The following RBFOX1 variants were observed in gnomAD, a reference collection of about 807,000 sequenced individuals.
RBFOX1 encodes RNA binding fox-1 homolog 1, also known as RNA binding protein fox-1 homolog 1.
A neutral mutation model predicts 57.7 loss-of-function variants in RBFOX1; 8 were observed. The ratio of observed to expected loss-of-function variants is 0.14; its 90% CI spans 0.08 to 0.25. RBFOX1 has a LOEUF of 0.25. Ranked by LOEUF, RBFOX1 falls within the 10% of genes least tolerant of loss-of-function variation. RBFOX1 has a pLI of 1.00. For missense variants in RBFOX1, 611 were observed against 548.5 expected, an observed-to-expected ratio of 1.11 and a Z score of -1.14; for synonymous variants, 326 against 222.4, an observed-to-expected ratio of 1.47 and a Z score of -4.15.
At chr16:6,663,467 G>C (rs8047260) in intron 3 of RBFOX1, among the ~76,000 whole-genome samples, 82,410 of 151,920 alleles carry the variant, frequency 0.54, 22,879 homozygotes, top group African/African-American at 0.64. Flanking sequence ...GACTAGATCT[G>C]TGCACTTCTG....
chr16:7,333,368 A>G (rs903238533), intron 4 of RBFOX1, among the ~76,000 whole-genome samples: 1 of 152,174 alleles, frequency 6.6e-6, no homozygotes, highest in African/African-American at 2.4e-5. Context: ...CCACGGGGCA[A>G]AGGATTTGCT....
intron 4 of RBFOX1, among the ~76,000 whole-genome samples, chr16:7,058,363 C>T (rs1055654789): frequency 4.6e-5 from 7 of 152,124 alleles, no homozygotes; most frequent in African/African-American, 1.2e-4. Flanking sequence ...GGATGAGAGC[C>T]TCCAGCCCCA....
chr16:6,345,203 G>T (rs1236418863), intron 2 of RBFOX1, among the ~76,000 whole-genome samples: 4 of 152,116 alleles, frequency 2.6e-5, no homozygotes, highest in African/African-American at 9.7e-5. Flanking sequence ...GCGTCCAGGA[G>T]GGTTCTTGGC....
chr16:6,037,112 G>A (rs1340546940), intron 1 of RBFOX1: 1 of 152,154 alleles, frequency 6.6e-6, no homozygotes, highest in Non-Finnish European at 1.5e-5. Flanking sequence ...GTAGGAATAT[G>A]CATTTATTTG....
chr16:7,353,665 A>C (rs1348732499), intron 4 of RBFOX1, among the ~76,000 whole-genome samples: 2 of 152,214 alleles, frequency 1.3e-5, no homozygotes, highest in African/African-American at 4.8e-5. Context: ...AGTGTGGATG[A>C]ACCTTGAGAA....
intron 4 of RBFOX1, among the ~76,000 whole-genome samples, chr16:7,406,199 C>T (rs553073715): frequency 1.3e-5 from 2 of 152,338 alleles, no homozygotes; most frequent in East Asian, 1.9e-4. Flanking sequence ...GACACCTAAA[C>T]ATCATGCCTC....
intron 1 of RBFOX1, among the ~76,000 whole-genome samples, chr16:6,043,268 A>G (rs2095460186): frequency 6.6e-6 from 1 of 151,976 alleles, no homozygotes; most frequent in Admixed American, 6.6e-5. Context: ...AGATCTTAAA[A>G]GGTGTCCGTC....
intron 4 of RBFOX1, among the ~76,000 whole-genome samples, chr16:7,467,023 T>C (rs1320256020): frequency 6.6e-6 from 1 of 152,200 alleles, no homozygotes; most frequent in Non-Finnish European, 1.5e-5. Context: ...CAAACAGATA[T>C]GTCTCTTATC....
chr16:5,590,267 G>A (rs1394151906), intron 2 of RBFOX1, among the ~76,000 whole-genome samples: 1 of 152,142 alleles, frequency 6.6e-6, no homozygotes, highest in East Asian at 1.9e-4. Context: ...AAAAAACCGA[G>A]CTCACTTGCA....
At chr16:7,484,008 C>T (rs74010519) in intron 4 of RBFOX1, among the ~76,000 whole-genome samples, 3 of 152,198 alleles carry the variant, frequency 2.0e-5, no homozygotes, top group East Asian at 1.9e-4. Context: ...TCTGCCCCCC[C>T]ATTCCCTAAC....
intron 2 of RBFOX1, among the ~76,000 whole-genome samples, chr16:6,380,398 ATTTTTTTTTTTTTTTTTTTTTT>A (rs60498960): frequency 0.012 from 570 of 49,138 alleles, 37 homozygotes; most frequent in East Asian, 0.064. Flanking sequence ...AATGGTGGGG[ATTTTTTTTTTTTTTTTTTTTTT>A]TTTTTTTTTT....
chr16:5,527,998 C>T (rs556629026), intron 2 of RBFOX1, among the ~76,000 whole-genome samples: 1 of 152,258 alleles, frequency 6.6e-6, no homozygotes, highest in Admixed American at 6.5e-5. Context: ...CCTCAGAGCA[C>T]CTAATAGCTC....
intron 1 of RBFOX1, among the ~76,000 whole-genome samples, chr16:6,141,750 A>C (rs78003511): frequency 1.2e-4 from 19 of 152,208 alleles, no homozygotes; most frequent in Admixed American, 9.8e-4. Context: ...TAATTATTGT[A>C]TGCTGATCTA....
intron 3 of RBFOX1, among the ~76,000 whole-genome samples, chr16:5,818,720 G>C (rs2055737527): frequency 6.6e-6 from 1 of 152,198 alleles, no homozygotes; most frequent in South Asian, 2.1e-4. Context: ...CAAAGAATGA[G>C]CTTCAAGGTA....
chr16:5,665,022 G>C (rs886332736), intron 3 of RBFOX1, among the ~76,000 whole-genome samples: 1 of 151,438 alleles, frequency 6.6e-6, no homozygotes, highest in African/African-American at 2.4e-5. Flanking sequence ...CTAGCTCACT[G>C]CAGCCCTCTA....
At chr16:6,488,661 T>A (rs574881099) in intron 2 of RBFOX1, among the ~76,000 whole-genome samples, 1 of 152,338 alleles carries the variant, frequency 6.6e-6, no homozygotes, top group South Asian at 2.1e-4. Context: ...GCATTTAGAA[T>A]CTGTTTACAC....
chr16:7,481,130 G>A (rs907757295), intron 4 of RBFOX1, among the ~76,000 whole-genome samples: 6 of 151,818 alleles, frequency 4.0e-5, no homozygotes, highest in Admixed American at 1.3e-4. Flanking sequence ...TTTTTCATTT[G>A]TTCAATGAGG....
intron 4 of RBFOX1, among the ~76,000 whole-genome samples, chr16:7,339,772 C>CGATGA (rs1222802759): frequency 1.3e-5 from 2 of 152,044 alleles, no homozygotes; most frequent in African/African-American, 4.8e-5. Context: ...CTTTTGTCTG[C>CGATGA]GATGAAGAAA....
intron 2 of RBFOX1, among the ~76,000 whole-genome samples, chr16:6,526,411 T>C (rs947070847): frequency 6.6e-6 from 1 of 152,182 alleles, no homozygotes; most frequent in African/African-American, 2.4e-5. Flanking sequence ...CAAGAGATTC[T>C]GCAATTATAA....
Sources: allele counts gnomAD v4.1 joint callset (sites outside exome capture counted in the v4.1 genomes callset), GRCh38; gene constraint gnomAD v4.1.1; transcripts MANE v1.5; gene names NCBI Gene and HGNC (gene_info 2026-07-23, HGNC 2026-07-21).